NHSL1: variants seen among roughly 807,000 people sequenced by gnomAD.
NHSL1 encodes the protein NHS like 1.
A neutral mutation model predicts 95.0 loss-of-function variants in NHSL1; 48 were observed. That is an observed-to-expected ratio of 0.51 (90% confidence interval 0.40 to 0.64). The LOEUF (loss-of-function observed/expected upper bound fraction) is 0.64, where lower values mean the gene tolerates loss of function less well. NHSL1 is among the 30% of genes least tolerant of loss of function. The pLI, the probability that NHSL1 is intolerant of heterozygous loss-of-function variation, is 0.00. For missense variants in NHSL1, 1,971 were observed against 2,077.7 expected (o/e 0.95, Z 1.00); for synonymous variants, 783 against 833.9 (o/e 0.94, Z 1.05).
intron 4 of NHSL1, among the ~76,000 whole-genome samples, chr6:138,444,533 C>T (rs1274155482): frequency 1.3e-5 from 2 of 151,808 alleles, no homozygotes; most frequent in African/African-American, 4.8e-5. Context: ...TGCTAACATT[C>T]TACCTCTATG....
chr6:138,510,214 G>T (rs561366474), intron 1 of NHSL1, among the ~76,000 whole-genome samples: 199 of 152,302 alleles, frequency 1.3e-3, no homozygotes, highest in South Asian at 6.8e-3. Flanking sequence ...AGTTTCCTGT[G>T]ATTTCTAATA....
intron 4 of NHSL1, among the ~76,000 whole-genome samples, chr6:138,442,677 C>T (rs544921283): frequency 4.6e-5 from 7 of 152,260 alleles, no homozygotes; most frequent in East Asian, 1.9e-4. Context: ...AAAAATGAAA[C>T]GCCTTATAAT....
chr6:138,572,961 G>A (rs887539997), upstream of NHSL1, among the ~76,000 whole-genome samples: 6 of 152,046 alleles, frequency 3.9e-5, no homozygotes, highest in African/African-American at 1.2e-4. Context: ...AGAATATAAC[G>A]GACCCGGCTA....
At chr6:138,472,404 G>A (rs1467701) in intron 3 of NHSL1, among the ~76,000 whole-genome samples, 1 of 152,058 alleles carries the variant, frequency 6.6e-6, no homozygotes, top group Non-Finnish European at 1.5e-5. Flanking sequence ...ATGCCACAAT[G>A]CCTGGCTTAA....
intron 1 of NHSL1, among the ~76,000 whole-genome samples, chr6:138,649,401 C>T (rs1250538190): frequency 1.3e-5 from 2 of 151,278 alleles, no homozygotes; most frequent in Non-Finnish European, 2.9e-5. Context: ...TAATATATAT[C>T]CTTATTTCCT....
At chr6:138,539,456 AC>A (rs1319075419) in intron 1 of NHSL1, among the ~76,000 whole-genome samples, 1 of 152,034 alleles carries the variant, frequency 6.6e-6, no homozygotes, top group Non-Finnish European at 1.5e-5. Context: ...ATTAACTATC[AC>A]CTTTTCTAAT....
At chr6:138,615,785 A>T (rs1784570878) in intron 1 of NHSL1, among the ~76,000 whole-genome samples, 1 of 152,254 alleles carries the variant, frequency 6.6e-6, no homozygotes, top group African/African-American at 2.4e-5. Flanking sequence ...TCAGGTTCTT[A>T]AGAAGAGAAG....
chr6:138,565,359 G>A (rs747022795), intron 1 of NHSL1, among the ~76,000 whole-genome samples: 17 of 152,058 alleles, frequency 1.1e-4, no homozygotes, highest in Non-Finnish European at 2.2e-4. Flanking sequence ...CTCCCACCTC[G>A]GCCTCCCCAG....
chr6:138,632,787 A>G (rs557995555), intron 1 of NHSL1, among the ~76,000 whole-genome samples: 191 of 152,204 alleles, frequency 1.3e-3, no homozygotes, highest in African/African-American at 4.3e-3. Context: ...AATATCTAAC[A>G]CTTCAATACC....
At chr6:138,498,563 G>C (rs969052999) in intron 1 of NHSL1, among the ~76,000 whole-genome samples, 1 of 152,022 alleles carries the variant, frequency 6.6e-6, no homozygotes. Flanking sequence ...ATAAACCACC[G>C]ACTATGTAAA....
chr6:138,682,323 CAG>C (rs1460388899), intron 1 of NHSL1, among the ~76,000 whole-genome samples: 1 of 152,112 alleles, frequency 6.6e-6, no homozygotes, highest in Non-Finnish European at 1.5e-5. Flanking sequence ...ATTTGTTTCT[CAG>C]AGTTTAATTT....
At chr6:138,476,783 T>C (rs1211080531) in intron 2 of NHSL1, among the ~76,000 whole-genome samples, 3 of 151,888 alleles carry the variant, frequency 2.0e-5, no homozygotes, top group South Asian at 2.1e-4. Context: ...CCCAAGATCA[T>C]GCTATTGTAC....
chr6:138,624,621 AACC>A (rs1361467102), intron 1 of NHSL1, among the ~76,000 whole-genome samples: 6 of 152,172 alleles, frequency 3.9e-5, no homozygotes, highest in Admixed American at 2.0e-4. Context: ...ATCTCTCAGA[AACC>A]TTTTGCTGAG....
intron 5 of NHSL1, among the ~76,000 whole-genome samples, chr6:138,437,309 T>C (rs1776180101): frequency 8.2e-6 from 1 of 121,406 alleles, no homozygotes; most frequent in Admixed American, 8.5e-5. Context: ...TATATATATA[T>C]ATATATATAT....
intron 1 of NHSL1, among the ~76,000 whole-genome samples, chr6:138,623,357 T>A (rs1262520292): frequency 1.3e-5 from 2 of 152,186 alleles, no homozygotes; most frequent in Non-Finnish European, 2.9e-5. Context: ...ACAGGGAGCT[T>A]ATCCCTCTAC....
intron 1 of NHSL1, among the ~76,000 whole-genome samples, chr6:138,645,107 C>G (rs1784999684): frequency 6.6e-6 from 1 of 152,162 alleles, no homozygotes. Flanking sequence ...TCACATCTTA[C>G]TATGTGGTTC....
intron 5 of NHSL1, among the ~76,000 whole-genome samples, chr6:138,435,712 GT>G (rs57274796): frequency 3.0e-4 from 42 of 141,262 alleles, no homozygotes; most frequent in Middle Eastern, 3.6e-3. Context: ...GATAACTGGG[GT>G]TTTTTTTTTT....
chr6:138,429,208 C>T (rs145685442), intron 7 of NHSL1, among the ~76,000 whole-genome samples: 24 of 152,234 alleles, frequency 1.6e-4, no homozygotes, highest in South Asian at 2.1e-4. Flanking sequence ...CTTAAAGGGC[C>T]GTACTCTTTT....
intron 2 of NHSL1, among the ~76,000 whole-genome samples, chr6:138,483,895 T>C (rs1779570716): frequency 6.6e-6 from 1 of 152,176 alleles, no homozygotes; most frequent in African/African-American, 2.4e-5. Flanking sequence ...TGTAACTATA[T>C]GACAAAGGTG....
Sources: allele counts gnomAD v4.1 joint callset (sites outside exome capture counted in the v4.1 genomes callset), GRCh38; gene constraint gnomAD v4.1.1; transcripts MANE v1.5; gene names NCBI Gene and HGNC (gene_info 2026-07-23, HGNC 2026-07-21).